The following C2orf76 variants were observed in gnomAD, a reference collection of about 807,000 sequenced individuals.
C2orf76 encodes chromosome 2 open reading frame 76.
Under a neutral mutation model 16.9 loss-of-function variants are expected in C2orf76, and 23 were observed. The ratio of observed to expected loss-of-function variants is 1.36; its 90% CI spans 0.98 to 1.93. C2orf76 has a LOEUF of 1.93. C2orf76 is among the 30% of genes most tolerant of loss of function. The pLI, the probability that C2orf76 is intolerant of heterozygous loss-of-function variation, is 0.00. For synonymous variants in C2orf76, 48 were observed against 52.3 expected (o/e 0.92, Z 0.35); for missense variants, 152 against 152.6 (o/e 1.00, Z 0.02).
At chr2:119,354,075 T>G (rs905268296) in intron 1 of C2orf76, among the ~76,000 whole-genome samples, 4 of 152,228 alleles carry the variant, frequency 2.6e-5, no homozygotes, top group African/African-American at 9.6e-5. Context: ...AATACCCTGA[T>G]TTGCTCATTC....
chr2:119,286,820 G>A, the C2orf76 span, among the ~76,000 whole-genome samples: 1 of 152,158 alleles, frequency 6.6e-6, no homozygotes, highest in African/African-American at 2.4e-5. Context: ...GGCAATGGCG[G>A]TGGGAAGGGA....
rs192271425 is a variant in C2orf76 at position 119,322,998 on chromosome 2, A to G, written c.134-1794T>C. Among the ~76,000 whole-genome samples the G allele has an allele frequency of 2.2e-3, 337 of 152,268 alleles. 1 individual carries two copies. The highest frequency in any genetic ancestry group is 4.0e-3 in the Non-Finnish European group (275 of 68,028). On this transcript the variant is annotated intron_variant, in intron 2 of 5. Coordinates refer to ENST00000334816, the MANE Select transcript of C2orf76 (RefSeq NM_001322331.2). ...TAAAGAAAAGTAAAACAAACAAAAA[A>G]TATCCACGTATCTAAATTAGGAAAT...
Position 119,360,674 on chromosome 2 carries a change from G to A in C2orf76, c.-13+6116C>T, listed in dbSNP as rs1680717551. Among the ~76,000 whole-genome samples, 3 of 152,128 alleles carry A rather than the reference G, an allele frequency of 2.0e-5. No homozygotes were observed. In the South Asian group the frequency reaches 6.2e-4, roughly 32 times the overall value. ...CAAACCTGCAATATCTCTGAGGTAT[G>A]CCTGTAGACAAGTGATTGGCAGCAG... On this transcript the variant is annotated intron_variant, in intron 1 of 5. Coordinates refer to ENST00000334816, the MANE Select transcript of C2orf76 (RefSeq NM_001322331.2).
At chr2:119,288,500 A>G in the C2orf76 span, among the ~76,000 whole-genome samples, 23 of 152,110 alleles carry the variant, frequency 1.5e-4, no homozygotes, top group African/African-American at 5.1e-4. Flanking sequence ...CTGATTATTC[A>G]TTTACATCAT....
At chr2:119,319,906 GA>G (rs1400551820) in intron 3 of C2orf76, among the ~76,000 whole-genome samples, 7 of 152,164 alleles carry the variant, frequency 4.6e-5, no homozygotes, top group African/African-American at 1.7e-4. Flanking sequence ...TTGTTCAACA[GA>G]AAGCAGAAGA....
chr2:119,366,847 G>C, upstream of C2orf76: 3 of 655,620 alleles, frequency 4.6e-6, no homozygotes, highest in Admixed American at 3.2e-5. Flanking sequence ...TCCCACGTGG[G>C]CTCGGGCGGG....
chr2:119,338,735 C>T (rs1679930253), intron 2 of C2orf76: 1 of 152,186 alleles, frequency 6.6e-6, no homozygotes, highest in Non-Finnish European at 1.5e-5. Context: ...TTTGGCAGGA[C>T]AAGACAAGGG....
At chr2:119,294,590 T>G in the C2orf76 span, among the ~76,000 whole-genome samples, 1 of 151,770 alleles carries the variant, frequency 6.6e-6, no homozygotes, top group Non-Finnish European at 1.5e-5. Context: ...GGAAGGCAGG[T>G]GAGGGACATG....
At chr2:119,296,185 G>A in the C2orf76 span, among the ~76,000 whole-genome samples, 5 of 152,148 alleles carry the variant, frequency 3.3e-5, no homozygotes, top group African/African-American at 1.2e-4. Context: ...TGCATACTGT[G>A]GCTTCACGTG....
At chr2:119,286,626 G>C in the C2orf76 span, among the ~76,000 whole-genome samples, 1 of 152,124 alleles carries the variant, frequency 6.6e-6, no homozygotes, top group African/African-American at 2.4e-5. Flanking sequence ...TGATTCGGAA[G>C]GAAACAAGGA....
chr2:119,348,297 C>A (rs767896809), intron 1 of C2orf76, among the ~76,000 whole-genome samples: 1 of 152,142 alleles, frequency 6.6e-6, no homozygotes. Context: ...GTAAATTATG[C>A]CACACAGTAA....
Position 119,302,370 on chromosome 2 carries a change from C to G in C2orf76, c.*102G>C. 1.8e-6 allele frequency: 1 copy of G among 544,938 alleles called. No homozygotes were observed. The highest frequency in any genetic ancestry group is 3.1e-5 in the East Asian group (1 of 32,188). The allele number at this position is 544,938 out of a possible 1,614,324, so 33.8% of individuals were successfully genotyped here. A position where few individuals can be genotyped will look rare whatever the true frequency, so the allele number is the denominator to read the frequency against. On this transcript the variant is annotated 3_prime_UTR_variant, in exon 6 of 6. Coordinates refer to ENST00000334816, the MANE Select transcript of C2orf76 (RefSeq NM_001322331.2). ...CCAGATTTTAGCTCAAAGAGTATAG[C>G]CTGGGATTAATTTTTTAAGATTTGT...
the C2orf76 span, among the ~76,000 whole-genome samples, chr2:119,287,240 G>A: frequency 1.3e-5 from 2 of 152,216 alleles, no homozygotes; most frequent in Non-Finnish European, 2.9e-5. Context: ...TCTCGCTTCT[G>A]ATGGCTTGTC....
chr2:119,338,893 G>A (rs1169279478), intron 2 of C2orf76: 1 of 152,158 alleles, frequency 6.6e-6, no homozygotes, highest in Non-Finnish European at 1.5e-5. Flanking sequence ...TCTTACATAG[G>A]GAATAGTAGA....
intron 2 of C2orf76, chr2:119,339,003 T>A (rs1679940101): frequency 1.3e-5 from 2 of 152,172 alleles, no homozygotes; most frequent in Admixed American, 1.3e-4. Context: ...TCCGCAGGAA[T>A]AAAACAAACA....
intron 1 of C2orf76, among the ~76,000 whole-genome samples, chr2:119,345,984 G>C (rs536436787): frequency 6.7e-6 from 1 of 149,654 alleles, no homozygotes; most frequent in Non-Finnish European, 1.5e-5. Flanking sequence ...GAACCTGGGA[G>C]GCAGAGCTTG....
intron 1 of C2orf76, among the ~76,000 whole-genome samples, chr2:119,347,915 C>T (rs1318340264): frequency 6.6e-6 from 1 of 151,936 alleles, no homozygotes; most frequent in South Asian, 2.1e-4. Flanking sequence ...CAATGGACAT[C>T]TATAATCCTA....
chr2:119,303,239 C>T (rs1192365474), intron 5 of C2orf76, among the ~76,000 whole-genome samples: 1 of 152,206 alleles, frequency 6.6e-6, no homozygotes, highest in Non-Finnish European at 1.5e-5. Flanking sequence ...ATTCTTTCAA[C>T]CTAGCAGGTC....
chr2:119,350,072 C>CCA (rs1356663702), intron 1 of C2orf76, among the ~76,000 whole-genome samples: 1 of 94,090 alleles, frequency 1.1e-5, no homozygotes. Context: ...CCACACCGCC[C>CCA]CCCGCCCCCC....
Sources: gnomAD v4.1 joint callset for allele counts (sites outside exome capture counted in the v4.1 genomes callset) on GRCh38, gnomAD v4.1.1 for gene constraint, MANE v1.5 for transcripts, NCBI Gene and HGNC (gene_info 2026-07-23, HGNC 2026-07-21) for gene names.